The following SENP2 variants were observed in gnomAD, a reference collection of about 807,000 sequenced individuals.
The protein encoded by SENP2 is SUMO specific peptidase 2.
SENP2 carries 16 observed loss-of-function variants against 86.3 expected under a neutral mutation model. The observed-to-expected ratio is 0.19, with a 90% confidence interval of 0.13 to 0.28. SENP2 has a LOEUF of 0.28. Among genes scored for constraint, SENP2 ranks in the 10% least tolerant of loss-of-function variants. The pLI, the probability that SENP2 is intolerant of heterozygous loss-of-function variation, is 1.00. For missense variants in SENP2, 552 were observed against 703.0 expected (o/e 0.79, Z 2.43); for synonymous variants, 222 against 238.7 (o/e 0.93, Z 0.64).
intron 5 of SENP2, among the ~76,000 whole-genome samples, chr3:185,601,122 T>C (rs1334096969): frequency 2.0e-5 from 3 of 149,838 alleles, no homozygotes; most frequent in African/African-American, 7.4e-5. Context: ...TGGCTCACTG[T>C]GACCTCTGCC....
At chr3:185,611,335 C>T (rs1193315098) in intron 7 of SENP2, among the ~76,000 whole-genome samples, 1 of 151,952 alleles carries the variant, frequency 6.6e-6, no homozygotes, top group East Asian at 1.9e-4. Flanking sequence ...AAATACATAG[C>T]TTAAAAAGTT....
chr3:185,614,346 T>C (rs1711521988), intron 10 of SENP2, among the ~76,000 whole-genome samples: 1 of 152,238 alleles, frequency 6.6e-6, no homozygotes, highest in Non-Finnish European at 1.5e-5. Context: ...AGTGTTCTGT[T>C]TGATGGTTCA....
intron 13 of SENP2, among the ~76,000 whole-genome samples, chr3:185,620,284 C>T (rs1199951446): frequency 6.6e-6 from 1 of 151,424 alleles, no homozygotes; most frequent in Non-Finnish European, 1.5e-5. Flanking sequence ...GTTTTTTTGC[C>T]CAAGCTAGTC....
intron 2 of SENP2, among the ~76,000 whole-genome samples, chr3:185,595,721 A>T (rs2148982286): frequency 6.6e-6 from 1 of 152,288 alleles, no homozygotes; most frequent in East Asian, 1.9e-4. Flanking sequence ...GTAGTGTAAT[A>T]AAAGGAGGAA....
At chr3:185,596,808 G>A (rs1467351377) in intron 2 of SENP2, among the ~76,000 whole-genome samples, 1 of 151,950 alleles carries the variant, frequency 6.6e-6, no homozygotes, top group African/African-American at 2.4e-5. Flanking sequence ...GCTCCTTGTT[G>A]TTTAATCATG....
At chr3:185,612,217 T>C (rs1455403725) in intron 8 of SENP2, 1 of 169,076 alleles carries the variant, frequency 5.9e-6, no homozygotes, top group Non-Finnish European at 1.3e-5. Context: ...GTAGAAAAGC[T>C]GTTTCAGGGT....
intron 11 of SENP2, among the ~76,000 whole-genome samples, chr3:185,616,560 G>A (rs1344046682): frequency 1.3e-5 from 2 of 150,464 alleles, no homozygotes; most frequent in Admixed American, 6.6e-5. Context: ...CAGATCACGA[G>A]GTCAGGAGAT....
chr3:185,618,101 T>C lies in SENP2; in HGVS notation c.1242+490T>C, dbSNP rs185154357. On this transcript the variant is annotated intron_variant, in intron 12 of 16. Transcript: ENST00000296257. ...CTGGGATTACAGGCATGCGCCACCA[T>C]GCCCGGCTAATTTTGTATTTTTAGT... 3.6e-3 allele frequency among the ~76,000 whole-genome samples: 552 copies of C among 152,262 alleles called. 3 individuals carry two copies. Among genetic ancestry groups the C allele is most frequent in the Non-Finnish European group, 4.1e-3 (277 of 68,018 alleles).
At chr3:185,599,168 T>G (rs1722266014) in intron 4 of SENP2, 144 bp downstream of exon 4, 1 of 612,462 alleles carries the variant, frequency 1.6e-6, no homozygotes, top group African/African-American at 1.9e-5. Flanking sequence ...GCAAATAGCT[T>G]TTCTTCAGAA....
chr3:185,629,716 C>G, intron 16 of SENP2, 66 bp from the exon 17 acceptor site: 1 of 1,475,542 alleles, frequency 6.8e-7, no homozygotes, highest in Non-Finnish European at 9.5e-7. Flanking sequence ...CATGATTACA[C>G]CTGAAGGTTG....
chr3:185,610,753 C>G (rs1036904178), intron 7 of SENP2, among the ~76,000 whole-genome samples: 1 of 148,244 alleles, frequency 6.7e-6, no homozygotes, highest in Non-Finnish European at 1.5e-5. Flanking sequence ...GTCAGGAGAT[C>G]AAGATCATCC....
At position 185,600,795 on chromosome 3, in the gene SENP2, A is replaced by C; in HGVS notation, c.389A>C (p.Tyr130Ser). Residue 130 changes from tyrosine (Y) to serine (S), a missense_variant, in exon 5 of 17, where the codon TAT becomes TCT. Tyr to Ser is a moderately radical substitution (Grantham distance 144, BLOSUM62 -2). Transcript: ENST00000296257. ...AAATCTCCTAATGGAATAAGTGACT[A>C]TCCAAAGATCAGAGTGACAGTTACC... is the stretch of plus-strand genomic sequence containing the variant. The part of the protein sequence containing the change: ...GNKSPNGISD[Y>S]PKIRVTVTRD... The C allele has an allele frequency of 1.2e-6, 2 of 1,610,624 alleles. No individual in the cohort carries two copies. Among genetic ancestry groups the C allele is most frequent in the Non-Finnish European group, 1.7e-6 (2 of 1,176,894 alleles).
At chr3:185,624,126 C>T (rs1203868136) in intron 15 of SENP2, 44 bp downstream of exon 15, 1 of 1,367,960 alleles carries the variant, frequency 7.3e-7, no homozygotes, top group Non-Finnish European at 1.0e-6. Flanking sequence ...GTTGCATTTA[C>T]TAATAGTATA....
chr3:185,620,965 C>G (rs933881280), intron 13 of SENP2, among the ~76,000 whole-genome samples: 6 of 150,520 alleles, frequency 4.0e-5, no homozygotes, highest in Admixed American at 2.0e-4. Context: ...ATGGAAAGAC[C>G]CTGTCTATAC....
intron 13 of SENP2, among the ~76,000 whole-genome samples, chr3:185,621,386 C>CTTTTTTTTTTTTTTTTT (rs1220771289): frequency 1.2e-3 from 98 of 78,774 alleles, no homozygotes; most frequent in Non-Finnish European, 1.7e-3. Context: ...TCTTTTTTTT[C>CTTTTTTTTTTTTTTTTT]TTTTTTTTTT....
intron 1 of SENP2, among the ~76,000 whole-genome samples, chr3:185,587,977 G>A (rs908253412): frequency 2.1e-5 from 3 of 145,440 alleles, no homozygotes; most frequent in Non-Finnish European, 3.0e-5. Flanking sequence ...CTGACCTCGT[G>A]ATCCACCCGC....
At chr3:185,608,764 A>C (rs1250244229) in intron 6 of SENP2, among the ~76,000 whole-genome samples, 3 of 152,226 alleles carry the variant, frequency 2.0e-5, no homozygotes, top group Non-Finnish European at 1.5e-5. Context: ...CTAGGAAAGC[A>C]AGGCAGGTCA....
intron 5 of SENP2, among the ~76,000 whole-genome samples, chr3:185,602,832 TAAAAAAA>T (rs1156317272): frequency 4.8e-5 from 3 of 63,042 alleles, no homozygotes; most frequent in African/African-American, 6.8e-5. Context: ...GACTCTGTCT[TAAAAAAA>T]AAAAAAAAAA....
chr3:185,622,817 CT>C (rs35711486), intron 14 of SENP2, among the ~76,000 whole-genome samples: 963 of 89,364 alleles, frequency 0.011, 4 homozygotes, highest in African/African-American at 0.035. Flanking sequence ...TACATTCATG[CT>C]TTTTTTTTTT....
Sources: allele counts gnomAD v4.1 joint callset (sites outside exome capture counted in the v4.1 genomes callset), GRCh38; gene constraint gnomAD v4.1.1; transcripts MANE v1.5; gene names NCBI Gene and HGNC (gene_info 2026-07-23, HGNC 2026-07-21).